The following DPP10 variants were observed in gnomAD, a reference collection of about 807,000 sequenced individuals.
DPP10 encodes the protein inactive dipeptidyl peptidase 10.
A neutral mutation model predicts 120.9 loss-of-function variants in DPP10; 33 were observed. The observed-to-expected ratio is 0.27, with a 90% CI of 0.21 to 0.37. DPP10 has a LOEUF of 0.37. Among genes scored for constraint, DPP10 ranks in the 10% least tolerant of loss-of-function variants. DPP10 has a pLI of 1.00. For missense variants in DPP10, 816 were observed against 942.8 expected, an observed-to-expected ratio of 0.87 and a Z score of 1.76; for synonymous variants, 337 against 326.1, an observed-to-expected ratio of 1.03 and a Z score of -0.36.
chr2:115,534,797 T>C (rs10190225), intron 5 of DPP10, among the ~76,000 whole-genome samples: 3,987 of 151,002 alleles, frequency 0.026, 171 homozygotes, highest in African/African-American at 0.093. Context: ...TTTTAATGAT[T>C]GCCATTCTAA....
intron 3 of DPP10, among the ~76,000 whole-genome samples, chr2:115,402,852 AAAAT>A (rs1403009557): frequency 3.5e-5 from 2 of 56,950 alleles, no homozygotes; most frequent in East Asian, 4.5e-4. Context: ...GAAAAAAAAA[AAAAT>A]ATATATATAT....
intron 3 of DPP10, among the ~76,000 whole-genome samples, chr2:115,445,873 G>A (rs1054766438): frequency 2.6e-5 from 4 of 152,316 alleles, no homozygotes; most frequent in East Asian, 3.9e-4. Context: ...TCACAGGCCT[G>A]GAGGTCTAGG....
intron 7 of DPP10, among the ~76,000 whole-genome samples, chr2:115,705,442 G>A (rs1405600877): frequency 6.6e-6 from 1 of 151,890 alleles, no homozygotes; most frequent in Non-Finnish European, 1.5e-5. Context: ...CTGGTGCCAA[G>A]CACGTTCTGG....
At chr2:114,525,699 T>A (rs1390084499) in intron 1 of DPP10, among the ~76,000 whole-genome samples, 2 of 152,214 alleles carry the variant, frequency 1.3e-5, no homozygotes, top group African/African-American at 2.4e-5. Flanking sequence ...TTTAACCTTT[T>A]GTTTCTCACC....
intron 1 of DPP10, among the ~76,000 whole-genome samples, chr2:114,943,761 G>A (rs773610329): frequency 3.3e-5 from 5 of 152,148 alleles, no homozygotes; most frequent in Non-Finnish European, 5.9e-5. Context: ...AGAAAATACA[G>A]AAGTTATAAA....
chr2:114,923,072 A>T (rs1374130577), intron 1 of DPP10, among the ~76,000 whole-genome samples: 1 of 152,166 alleles, frequency 6.6e-6, no homozygotes, highest in Non-Finnish European at 1.5e-5. Flanking sequence ...TGCTCCCAAA[A>T]TTGGACTGTC....
intron 1 of DPP10, among the ~76,000 whole-genome samples, chr2:114,753,884 G>T (rs1679470134): frequency 7.0e-6 from 1 of 142,554 alleles, no homozygotes; most frequent in South Asian, 2.3e-4. Context: ...ACTCCAGCCT[G>T]GGTGACAGAG....
rs546162835 is a variant in DPP10 at position 115,133,784 on chromosome 2, T to A, written c.61-175455T>A. ...GGACGCAAATGAGCTAAACTGCTTATCTATTTGTGTTTTAATCAGGTCTGT... is the reference window on the plus strand; with the variant it reads ...GGACGCAAATGAGCTAAACTGCTTAACTATTTGTGTTTTAATCAGGTCTGT... On this transcript the variant is annotated intron_variant, in intron 1 of 25. Coordinates refer to ENST00000410059, the MANE Select transcript of DPP10 (RefSeq NM_020868.6). Among the ~76,000 whole-genome samples, 99 of 152,290 alleles carry A rather than the reference T, an allele frequency of 6.5e-4. 2 individuals are homozygous for A. Among genetic ancestry groups the A allele is most frequent in the African/African-American group, 2.1e-3 (89 of 41,568 alleles).
intron 1 of DPP10, among the ~76,000 whole-genome samples, chr2:114,850,835 C>CTTCAGAATA (rs1688893188): frequency 1.3e-5 from 2 of 151,988 alleles, no homozygotes; most frequent in Non-Finnish European, 2.9e-5. Context: ...TGCATTTAGT[C>CTTCAGAATA]TTCAGAATAT....
At chr2:115,656,331 G>A (rs1316241146) in intron 5 of DPP10, among the ~76,000 whole-genome samples, 1 of 151,580 alleles carries the variant, frequency 6.6e-6, no homozygotes, top group Admixed American at 6.6e-5. Context: ...GATGGATTGT[G>A]AAATAATGTT....
intron 1 of DPP10, among the ~76,000 whole-genome samples, chr2:115,017,847 C>A (rs1260653744): frequency 7.1e-6 from 1 of 141,650 alleles, no homozygotes; most frequent in Admixed American, 7.1e-5. Flanking sequence ...CACACAGGGC[C>A]TGTTGTGGGG....
intron 1 of DPP10, among the ~76,000 whole-genome samples, chr2:115,306,236 T>C (rs1399016213): frequency 6.6e-6 from 1 of 151,934 alleles, no homozygotes; most frequent in Middle Eastern, 3.2e-3. Flanking sequence ...CTGGCTTGCA[T>C]AACTAGGAGA....
intron 2 of DPP10, among the ~76,000 whole-genome samples, chr2:115,332,818 A>G (rs1432160547): frequency 1.3e-5 from 2 of 152,072 alleles, no homozygotes; most frequent in African/African-American, 2.4e-5. Flanking sequence ...GTTCTTTTAC[A>G]TTTGCTGAGG....
intron 1 of DPP10, among the ~76,000 whole-genome samples, chr2:114,653,423 T>C (rs1007062263): frequency 2.6e-5 from 4 of 152,188 alleles, no homozygotes; most frequent in African/African-American, 9.7e-5. Flanking sequence ...TCCTCCAGGA[T>C]TGTGACAGAA....
intron 1 of DPP10, among the ~76,000 whole-genome samples, chr2:115,268,902 C>A (rs1055233500): frequency 2.0e-5 from 2 of 99,052 alleles, no homozygotes; most frequent in African/African-American, 6.6e-5. Flanking sequence ...GTAATCCCAG[C>A]ACTTTAGGAG....
At chr2:114,972,631 C>T (rs557357479) in intron 1 of DPP10, among the ~76,000 whole-genome samples, 2 of 152,262 alleles carry the variant, frequency 1.3e-5, no homozygotes, top group African/African-American at 2.4e-5. Context: ...TATTGACTCT[C>T]ATGGTGAAGA....
intron 1 of DPP10, among the ~76,000 whole-genome samples, chr2:114,509,969 A>G (rs1297437375): frequency 3.9e-5 from 6 of 152,334 alleles, no homozygotes; most frequent in East Asian, 3.9e-4. Context: ...GTTTCTTCTT[A>G]TGAGTGAATC....
At chr2:115,751,601 T>A (rs1678717709) in intron 10 of DPP10, among the ~76,000 whole-genome samples, 1 of 152,166 alleles carries the variant, frequency 6.6e-6, no homozygotes, top group South Asian at 2.1e-4. Context: ...TCTACTGACA[T>A]CTTCACTTTG....
At chr2:114,643,935 A>ATT (rs56039510) in intron 1 of DPP10, among the ~76,000 whole-genome samples, 149 of 130,174 alleles carry the variant, frequency 1.1e-3, no homozygotes, top group African/African-American at 3.0e-3. Context: ...ATATATATAT[A>ATT]TTTTTTTTTT....
Sources: allele counts gnomAD v4.1 joint callset (sites outside exome capture counted in the v4.1 genomes callset), GRCh38; gene constraint gnomAD v4.1.1; transcripts MANE v1.5; gene names NCBI Gene and HGNC (gene_info 2026-07-23, HGNC 2026-07-21).